Variants in KAZN observed in about 807,000 individuals in gnomAD.
KAZN encodes the protein kazrin.
Under a neutral mutation model 87.4 loss-of-function variants are expected in KAZN, and 40 were observed. That is an observed-to-expected ratio of 0.46 (90% CI 0.36 to 0.60). The LOEUF (loss-of-function observed/expected upper bound fraction) is 0.60. KAZN is among the 20% of genes least tolerant of loss of function. KAZN has a pLI of 0.00. For synonymous variants in KAZN, 466 were observed against 458.3 expected (o/e 1.02, Z -0.22); for missense variants, 898 against 1,073.9 (o/e 0.84, Z 2.29).
intron 2 of KAZN, among the ~76,000 whole-genome samples, chr1:14,355,348 CAAAT>C (rs1658923661): frequency 6.6e-6 from 1 of 152,002 alleles, no homozygotes; most frequent in South Asian, 2.1e-4. Context: ...AGTAATCACA[CAAAT>C]AAATACAAAA....
chr1:14,372,770 T>A (rs1455286508), intron 2 of KAZN, among the ~76,000 whole-genome samples: 1 of 152,224 alleles, frequency 6.6e-6, no homozygotes, highest in Non-Finnish European at 1.5e-5. Context: ...ATGCATTCAT[T>A]TATTCACTCA....
At chr1:15,002,492 C>T (rs1315469166) in intron 2 of KAZN, among the ~76,000 whole-genome samples, 1 of 152,184 alleles carries the variant, frequency 6.6e-6, no homozygotes, top group Non-Finnish European at 1.5e-5. Flanking sequence ...TGGAATCAGA[C>T]TGCCCGAGTT....
intron 2 of KAZN, among the ~76,000 whole-genome samples, chr1:14,322,131 T>C (rs1343119068): frequency 6.6e-6 from 1 of 152,038 alleles, no homozygotes; most frequent in Non-Finnish European, 1.5e-5. Flanking sequence ...AAAAACTTGG[T>C]CTAAAAACCA....
intron 1 of KAZN, among the ~76,000 whole-genome samples, chr1:14,126,828 A>G (rs999540088): frequency 6.6e-6 from 1 of 152,210 alleles, no homozygotes; most frequent in Non-Finnish European, 1.5e-5. Flanking sequence ...ACCATTGGCC[A>G]GGTGCGGTGG....
intron 7 of KAZN, among the ~76,000 whole-genome samples, chr1:15,064,828 C>A (rs576528081): frequency 6.6e-6 from 1 of 152,330 alleles, no homozygotes; most frequent in South Asian, 2.1e-4. Context: ...CACCCTTCCT[C>A]CCTGTGGCCT....
chr1:14,875,379 T>C (rs1652648501), intron 1 of KAZN, among the ~76,000 whole-genome samples: 1 of 147,020 alleles, frequency 6.8e-6, no homozygotes, highest in African/African-American at 2.5e-5. Flanking sequence ...TATGTAAATG[T>C]TATTTATCTT....
chr1:14,615,132 T>G (rs1678128465), intron 1 of KAZN, among the ~76,000 whole-genome samples: 1 of 152,244 alleles, frequency 6.6e-6, no homozygotes, highest in Non-Finnish European at 1.5e-5. Context: ...GAGTTTATTC[T>G]TTGGTTTCTT....
At chr1:14,502,508 G>A (rs1670313349) in intron 2 of KAZN, among the ~76,000 whole-genome samples, 1 of 152,128 alleles carries the variant, frequency 6.6e-6, no homozygotes, top group Admixed American at 6.6e-5. Flanking sequence ...AGGGGGTAGA[G>A]AAACCATGAG....
chr1:14,276,201 G>A (rs1219599723), intron 2 of KAZN, among the ~76,000 whole-genome samples: 1 of 128,934 alleles, frequency 7.8e-6, no homozygotes, highest in African/African-American at 3.0e-5. Flanking sequence ...GTGTGTGTGT[G>A]TATCCTTTAT....
chr1:14,837,493 C>G (rs111879196), intron 1 of KAZN, among the ~76,000 whole-genome samples: 5,531 of 152,002 alleles, frequency 0.036, 127 homozygotes, highest in Middle Eastern at 0.065. Flanking sequence ...GCCACTGTGC[C>G]TGGCCCATAC....
At chr1:14,764,505 C>G (rs551810372) in intron 1 of KAZN, among the ~76,000 whole-genome samples, 14 of 151,834 alleles carry the variant, frequency 9.2e-5, no homozygotes, top group Admixed American at 2.6e-4. Context: ...CTCTGCCCCC[C>G]CATAGAACGT....
intron 2 of KAZN, among the ~76,000 whole-genome samples, chr1:14,401,944 G>T (rs888293501): frequency 6.6e-6 from 1 of 151,918 alleles, no homozygotes; most frequent in Admixed American, 6.6e-5. Context: ...TTCAAAAGAG[G>T]TAAGAATGCC....
chr1:13,932,008 A>AT (rs35231877), intron 1 of KAZN, among the ~76,000 whole-genome samples: 4,799 of 122,850 alleles, frequency 0.039, 181 homozygotes, highest in African/African-American at 0.098. Flanking sequence ...GGCTTGGCTA[A>AT]TTTTTTTTTT....
At chr1:14,857,030 G>A (rs1650199211) in intron 1 of KAZN, among the ~76,000 whole-genome samples, 1 of 152,182 alleles carries the variant, frequency 6.6e-6, no homozygotes, top group African/African-American at 2.4e-5. Flanking sequence ...GGGATTGGAT[G>A]TCAGGGGAGA....
intron 1 of KAZN, among the ~76,000 whole-genome samples, chr1:14,647,214 A>G (rs1489300288): frequency 6.6e-6 from 1 of 152,200 alleles, no homozygotes; most frequent in Non-Finnish European, 1.5e-5. Flanking sequence ...TTTCCGTTGC[A>G]TGAAAATATA....
chr1:14,785,310 T>C (rs1249333324), intron 1 of KAZN, among the ~76,000 whole-genome samples: 2 of 152,172 alleles, frequency 1.3e-5, no homozygotes, highest in African/African-American at 2.4e-5. Context: ...ATTGACTGGC[T>C]CAGTGTCTCT....
chr1:14,317,001 T>G (rs1237855184), intron 2 of KAZN, among the ~76,000 whole-genome samples: 2 of 151,978 alleles, frequency 1.3e-5, no homozygotes, highest in African/African-American at 4.8e-5. Flanking sequence ...GAAAGTTTAC[T>G]CCATTATTGG....
chr1:14,799,823 C>G lies in KAZN; in HGVS notation c.227-160861C>G, dbSNP rs909632314. Among the ~76,000 whole-genome samples the G allele has an allele frequency of 2.6e-5, 4 of 152,262 alleles. No homozygotes were observed. In the South Asian group the frequency reaches 8.3e-4, roughly 32 times the overall value. Reference sequence around the variant, plus strand: ...TACAATTTAGTTTCATTTCTGAAATCTTACACGATATTTTATAGGAAGCCT... The same window carrying G: ...TACAATTTAGTTTCATTTCTGAAATGTTACACGATATTTTATAGGAAGCCT... On this transcript the variant is annotated intron_variant, in intron 1 of 14. Coordinates refer to ENST00000376030, the MANE Select transcript of KAZN (RefSeq NM_201628.3).
intron 2 of KAZN, among the ~76,000 whole-genome samples, chr1:14,428,410 G>A (rs1486440740): frequency 6.6e-6 from 1 of 151,756 alleles, no homozygotes; most frequent in African/African-American, 2.4e-5. Flanking sequence ...CATTAAAAAA[G>A]GTAAAGGAGG....
Sources: allele counts gnomAD v4.1 joint callset (sites outside exome capture counted in the v4.1 genomes callset), GRCh38; gene constraint gnomAD v4.1.1; transcripts MANE v1.5; gene names NCBI Gene and HGNC (gene_info 2026-07-23, HGNC 2026-07-21).